The following STK32A variants were observed in gnomAD, a reference collection of about 807,000 sequenced individuals.
The protein encoded by STK32A is serine/threonine kinase 32A.
In STK32A, 41 loss-of-function variants were observed where a neutral mutation model predicts 53.2. The ratio of observed to expected loss-of-function variants is 0.77; its 90% CI spans 0.60 to 1.00. The LOEUF is 1.00. Ranked by LOEUF, STK32A falls within the 50% of genes least tolerant of loss-of-function variation. STK32A has a pLI of 0.00. For missense variants in STK32A, 458 were observed against 485.8 expected, an observed-to-expected ratio of 0.94 and a Z score of 0.54; for synonymous variants, 166 against 162.8, an observed-to-expected ratio of 1.02 and a Z score of -0.15.
intron 4 of STK32A, among the ~76,000 whole-genome samples, chr5:147,307,090 A>G (rs961848681): frequency 2.6e-5 from 4 of 152,124 alleles, no homozygotes; most frequent in Non-Finnish European, 4.4e-5. Flanking sequence ...CGACCATAAT[A>G]TACCAGAAGT....
chr5:147,378,471 G>GCTAAAGGAATGCCTTT (rs1757316766), intron 11 of STK32A, among the ~76,000 whole-genome samples: 1 of 152,064 alleles, frequency 6.6e-6, no homozygotes, highest in Non-Finnish European at 1.5e-5. Context: ...GTCTTATCTA[G>GCTAAAGGAATGCCTTT]AGCCATTCAC....
intron 2 of STK32A, among the ~76,000 whole-genome samples, chr5:147,260,223 C>T (rs1273375404): frequency 9.2e-6 from 1 of 108,270 alleles, no homozygotes; most frequent in Non-Finnish European, 2.0e-5. Context: ...CTCTCTCTCT[C>T]TCTCCTCTCT....
chr5:147,278,964 G>T (rs1252676474), intron 3 of STK32A, among the ~76,000 whole-genome samples: 1 of 152,116 alleles, frequency 6.6e-6, no homozygotes, highest in Non-Finnish European at 1.5e-5. Context: ...GAATATTCCT[G>T]ACATGGAGGC....
chr5:147,288,101 T>A (rs1256718759), intron 4 of STK32A, among the ~76,000 whole-genome samples: 5 of 152,182 alleles, frequency 3.3e-5, no homozygotes, highest in African/African-American at 1.2e-4. Context: ...TATAACCTAT[T>A]CTTTCCTTCT....
intron 2 of STK32A, among the ~76,000 whole-genome samples, chr5:147,257,620 AC>A (rs1754292909): frequency 6.6e-6 from 1 of 151,596 alleles, no homozygotes; most frequent in Non-Finnish European, 1.5e-5. Context: ...CGCTTTCTTG[AC>A]TCGGGTGTGA....
At chr5:147,376,210 C>T (rs1259549459) in intron 11 of STK32A, among the ~76,000 whole-genome samples, 2 of 152,134 alleles carry the variant, frequency 1.3e-5, no homozygotes, top group African/African-American at 2.4e-5. Flanking sequence ...AATTAACCAA[C>T]GTTCACATCT....
chr5:147,266,125 C>T (rs1754797474), intron 2 of STK32A, among the ~76,000 whole-genome samples: 2 of 152,118 alleles, frequency 1.3e-5, no homozygotes, highest in South Asian at 4.2e-4. Flanking sequence ...ATCATGCAGC[C>T]CTGACAAAGC....
chr5:147,349,882 C>G (rs1377088962), intron 6 of STK32A, among the ~76,000 whole-genome samples: 1 of 151,988 alleles, frequency 6.6e-6, no homozygotes, highest in South Asian at 2.1e-4. Flanking sequence ...GAGGCCGAGG[C>G]AAGCAGATCA....
intron 4 of STK32A, among the ~76,000 whole-genome samples, chr5:147,322,124 C>T (rs891746609): frequency 6.6e-6 from 1 of 152,160 alleles, no homozygotes; most frequent in African/African-American, 2.4e-5. Flanking sequence ...TACCACATTG[C>T]CTAGAACCAA....
At chr5:147,239,784 G>A in intron 2 of STK32A, 98 bp downstream of exon 2, 1 of 914,318 alleles carries the variant, frequency 1.1e-6, no homozygotes, top group East Asian at 2.7e-5. Flanking sequence ...ATGGTCTGTA[G>A]GGCCTTGAAG....
chr5:147,354,776 CT>C (rs1017463296), intron 7 of STK32A, among the ~76,000 whole-genome samples: 4 of 152,056 alleles, frequency 2.6e-5, no homozygotes, highest in Non-Finnish European at 5.9e-5. Context: ...AGAAATCAAG[CT>C]TTTTCTTAAA....
intron 6 of STK32A, among the ~76,000 whole-genome samples, chr5:147,344,097 G>T (rs1755569375): frequency 6.6e-6 from 1 of 152,154 alleles, no homozygotes; most frequent in Non-Finnish European, 1.5e-5. Context: ...TAAGATCTTT[G>T]TTATGTCTTT....
intron 5 of STK32A, among the ~76,000 whole-genome samples, chr5:147,324,446 A>T (rs1453959280): frequency 1.3e-5 from 2 of 152,214 alleles, no homozygotes; most frequent in African/African-American, 4.8e-5. Flanking sequence ...TCTTTGGGAA[A>T]AAAGCTTGAG....
At chr5:147,264,440 G>C (rs563432137) in intron 2 of STK32A, among the ~76,000 whole-genome samples, 112 of 152,336 alleles carry the variant, frequency 7.4e-4, no homozygotes, top group Middle Eastern at 3.4e-3. Context: ...GTTTGGGATT[G>C]GATTGGGAAG....
intron 4 of STK32A, among the ~76,000 whole-genome samples, chr5:147,287,026 G>T (rs147137103): frequency 9.2e-5 from 14 of 152,128 alleles, no homozygotes; most frequent in Non-Finnish European, 1.9e-4. Flanking sequence ...GCTTTGTAGC[G>T]TATTTCTTAG....
chr5:147,326,076 G>C (rs1400563068), intron 5 of STK32A, among the ~76,000 whole-genome samples: 2 of 152,118 alleles, frequency 1.3e-5, no homozygotes, highest in African/African-American at 2.4e-5. Context: ...ACTTAGAACT[G>C]TGTTCCAAGA....
At chr5:147,355,521 C>CA (rs918822003) in intron 7 of STK32A, among the ~76,000 whole-genome samples, 5 of 151,152 alleles carry the variant, frequency 3.3e-5, no homozygotes, top group African/African-American at 9.7e-5. Flanking sequence ...AAAAAATACA[C>CA]AAAAAAATTA....
intron 7 of STK32A, 141 bp from the exon 8 acceptor site, chr5:147,361,376 C>A (rs1756496164): frequency 1.5e-6 from 1 of 675,788 alleles, no homozygotes; most frequent in Non-Finnish European, 2.6e-6. Flanking sequence ...CTGCTGTGAG[C>A]AATCTAGCAA....
At position 147,383,388 on chromosome 5, in the gene STK32A, T is replaced by C. The variant is rs1757526478; in HGVS notation, c.1033-53T>C. Reference sequence around the variant, plus strand: ...ACCAGGTTATTGGCTGTTTGAAGATTCTCATTTGTCTGCTAACTATACCTC... The same window carrying C: ...ACCAGGTTATTGGCTGTTTGAAGATCCTCATTTGTCTGCTAACTATACCTC... On this transcript the variant is annotated intron_variant, in intron 11 of 12. Transcript: ENST00000397936. The C allele has an allele frequency of 3.4e-6, 5 of 1,460,440 alleles. No homozygotes were observed. In the Admixed American group the frequency reaches 5.9e-5, roughly 17 times the overall value. 90.5% of individuals were successfully genotyped at this position (1,460,440 alleles called of 1,614,324 possible).
Sources: gnomAD v4.1 joint callset for allele counts (sites outside exome capture counted in the v4.1 genomes callset) on GRCh38, gnomAD v4.1.1 for gene constraint, MANE v1.5 for transcripts, NCBI Gene and HGNC (gene_info 2026-07-23, HGNC 2026-07-21) for gene names.